PLEKHA5: variants seen among roughly 807,000 people sequenced by gnomAD.
PLEKHA5 encodes pleckstrin homology domain containing A5, also known as pleckstrin homology domain-containing family A member 5.
PLEKHA5 carries 55 observed loss-of-function variants against 181.9 expected under a neutral mutation model. That is an observed-to-expected ratio of 0.30 (90% CI 0.24 to 0.38). The LOEUF (loss-of-function observed/expected upper bound fraction) is 0.38, where lower values mean the gene tolerates loss of function less well. Ranked by LOEUF, PLEKHA5 falls within the 10% of genes least tolerant of loss-of-function variation. PLEKHA5 has a pLI of 1.00. For missense variants in PLEKHA5, 1,432 were observed against 1,549.5 expected (o/e 0.92, Z 1.27); for synonymous variants, 535 against 529.4 (o/e 1.01, Z -0.15).
chr12:19,282,999 C>G (rs11044479), intron 11 of PLEKHA5, among the ~76,000 whole-genome samples: 8,167 of 151,308 alleles, frequency 0.054, 366 homozygotes, highest in East Asian at 0.19. Flanking sequence ...AATTCAAGAT[C>G]AGCCGGGCAT....
chr12:19,255,555 G>GATAATT (rs2066651959), intron 5 of PLEKHA5, among the ~76,000 whole-genome samples: 1 of 151,486 alleles, frequency 6.6e-6, no homozygotes, highest in Non-Finnish European at 1.5e-5. Context: ...ATAATTATAA[G>GATAATT]ATAATTATAA....
At chr12:19,321,551 T>TTC (rs983231030) in intron 18 of PLEKHA5, 2 of 150,120 alleles carry the variant, frequency 1.3e-5, no homozygotes, top group African/African-American at 4.9e-5. Flanking sequence ...TTTTTTTTTT[T>TTC]TTTAGTAGAC....
intron 3 of PLEKHA5, among the ~76,000 whole-genome samples, chr12:19,204,360 C>T (rs1297223935): frequency 1.3e-5 from 2 of 151,954 alleles, no homozygotes; most frequent in Non-Finnish European, 2.9e-5. Context: ...CTCATCTACC[C>T]AAGGTGAAAG....
rs1237247635 is a variant in PLEKHA5, at chr12:19,360,411, GC to G, written c.3483+867del. On this transcript the variant is annotated intron_variant, in intron 28 of 31. Coordinates refer to ENST00000429027, the MANE Select transcript of PLEKHA5 (RefSeq NM_001256470.2). ...ACTTGAGGCCCGGAGTTCGAGATCA[GC>G]CTCGCAAACATAGTGAAACCCCATA... 2.6e-5 allele frequency among the ~76,000 whole-genome samples: 4 copies of G among 151,852 alleles called. No individual in the cohort carries two copies. In the East Asian group the frequency reaches 7.8e-4, roughly 29 times the overall value.
chr12:19,340,941 T>G (rs1200825729), intron 21 of PLEKHA5, among the ~76,000 whole-genome samples: 1 of 57,394 alleles, frequency 1.7e-5, no homozygotes, highest in South Asian at 7.3e-4. Context: ...CCAAGAATGA[T>G]CAATAAAAAA....
At chr12:19,375,445 C>T (rs1325491675) in intron 31 of PLEKHA5, 86 bp from the exon 32 acceptor site, 2 of 152,240 alleles carry the variant, frequency 1.3e-5, no homozygotes, top group Non-Finnish European at 2.9e-5. Flanking sequence ...TCTGTTGTTA[C>T]AGAATGTCAC....
chr12:19,322,668 G>T lies in PLEKHA5; in HGVS notation c.2448+1G>T, dbSNP rs778830844. The T allele has an allele frequency of 5.6e-6, 9 of 1,599,046 alleles. No individual in the cohort carries two copies. The South Asian group carries it at 1.0e-4, about 18-fold the overall frequency. On this transcript the variant is annotated splice_donor_variant, in intron 20 of 31. Coordinates refer to ENST00000429027, the MANE Select transcript of PLEKHA5 (RefSeq NM_001256470.2). LOFTEE classifies it high-confidence loss of function. ...TCGAGAACTTTCTCGAGCCACTGCC[G>T]TAAGTAGATTTTTTTTTTCCCCTAA...
intron 3 of PLEKHA5, among the ~76,000 whole-genome samples, chr12:19,195,802 T>C (rs1236828637): frequency 1.3e-5 from 2 of 151,854 alleles, no homozygotes; most frequent in African/African-American, 4.8e-5. Context: ...ACAAAAATAA[T>C]GTATGTATAT....
At chr12:19,166,606 C>T (rs2044455564) in intron 3 of PLEKHA5, among the ~76,000 whole-genome samples, 1 of 152,170 alleles carries the variant, frequency 6.6e-6, no homozygotes, top group Non-Finnish European at 1.5e-5. Flanking sequence ...AGATCAGTGG[C>T]TGCCAGCTCT....
intron 14 of PLEKHA5, among the ~76,000 whole-genome samples, chr12:19,291,080 A>C (rs765342357): frequency 6.8e-4 from 103 of 152,224 alleles, no homozygotes; most frequent in Non-Finnish European, 4.0e-4. Flanking sequence ...TCATGTACGC[A>C]TTAACTTCAT....
At chr12:19,328,435 C>T (rs2153079638) in intron 20 of PLEKHA5, among the ~76,000 whole-genome samples, 1 of 152,172 alleles carries the variant, frequency 6.6e-6, no homozygotes, top group African/African-American at 2.4e-5. Flanking sequence ...AATATTGATT[C>T]TTCTAATCCA....
chr12:19,323,828 AAAAAG>A (rs1488831071), intron 20 of PLEKHA5, among the ~76,000 whole-genome samples: 6 of 152,046 alleles, frequency 3.9e-5, no homozygotes, highest in Non-Finnish European at 8.8e-5. Context: ...AAAAAAAAAA[AAAAAG>A]AAAGAAATGT....
intron 3 of PLEKHA5, among the ~76,000 whole-genome samples, chr12:19,199,967 A>G (rs1057242164): frequency 3.3e-5 from 5 of 152,128 alleles, no homozygotes; most frequent in Admixed American, 6.6e-5. Flanking sequence ...CGACAGTGGA[A>G]TGATGACAGT....
At chr12:19,354,532 G>A (rs1015356369) in intron 26 of PLEKHA5, among the ~76,000 whole-genome samples, 4 of 147,442 alleles carry the variant, frequency 2.7e-5, no homozygotes, top group African/African-American at 1.0e-4. Flanking sequence ...CTGGGCTGGA[G>A]TGCAGTGGCG....
intron 18 of PLEKHA5, among the ~76,000 whole-genome samples, chr12:19,321,058 T>C (rs1239429880): frequency 2.0e-5 from 3 of 151,676 alleles, no homozygotes; most frequent in Non-Finnish European, 4.4e-5. Flanking sequence ...TCCCAGCTAC[T>C]CGGGAGTCTG....
intron 3 of PLEKHA5, among the ~76,000 whole-genome samples, chr12:19,247,403 C>T (rs912380422): frequency 6.6e-6 from 1 of 152,026 alleles, no homozygotes; most frequent in Non-Finnish European, 1.5e-5. Flanking sequence ...TAGTTACCTA[C>T]GTAATTCATT....
At chr12:19,174,198 G>A (rs1472894284) in intron 3 of PLEKHA5, among the ~76,000 whole-genome samples, 2 of 152,066 alleles carry the variant, frequency 1.3e-5, no homozygotes, top group African/African-American at 4.8e-5. Context: ...GCCTGTAAGG[G>A]GCATGGTACT....
rs777332532 is a variant in PLEKHA5, at chr12:19,274,652, T to G, written c.982T>G (p.Leu328Val). ...EMSKIEEKKA[L>V]EAEKYGFQKD... is the part of the protein sequence containing the mutation. ...GAGCAAAATTGAAGAAAAAAAGGCA[T>G]TAGAAGCTGAAAAATATGGATTTCA... is the stretch of plus-strand genomic sequence containing the variant. The change falls in exon 11 of 32, where the codon TTA (leucine) becomes GTA (valine). Residue 328 changes from leucine (L) to valine (V), a missense_variant. Leu to Val is a conservative substitution (Grantham distance 32). Around this residue, in one of 2 missense-constraint regions of PLEKHA5, gnomAD observed 1,143 missense variants for 1,168.4 expected, o/e 0.98. Transcript: ENST00000429027. The G allele has an allele frequency of 6.2e-7, 1 of 1,613,596 alleles. No individual in the cohort carries two copies. The highest frequency in any genetic ancestry group is 2.2e-5 in the East Asian group (1 of 44,868).
intron 15 of PLEKHA5, among the ~76,000 whole-genome samples, chr12:19,308,696 T>C (rs1289207855): frequency 6.6e-6 from 1 of 152,166 alleles, no homozygotes; most frequent in Non-Finnish European, 1.5e-5. Flanking sequence ...GATCTCCTTA[T>C]GGTCTTGTTT....
Sources: gnomAD v4.1 joint callset for allele counts (sites outside exome capture counted in the v4.1 genomes callset) on GRCh38, gnomAD v4.1.1 for gene constraint, gnomAD v4.1.1 regional missense constraint, MANE v1.5 for transcripts, NCBI Gene and HGNC (gene_info 2026-07-23, HGNC 2026-07-21) for gene names.